The following PADI1 variants were observed in gnomAD, a reference collection of about 807,000 sequenced individuals.
PADI1 encodes protein-arginine deiminase type-1.
In PADI1, 65 loss-of-function variants were observed where a neutral mutation model predicts 74.8. The observed-to-expected ratio is 0.87, with a 90% CI of 0.71 to 1.07. The LOEUF is 1.07. Among genes scored for constraint, PADI1 ranks in the 50% least tolerant of loss-of-function variants. The probability of loss-of-function intolerance (pLI) is 0.00; values close to 1 mark genes in which losing one functional copy is unlikely to be tolerated. For synonymous variants in PADI1, 371 were observed against 336.2 expected (o/e 1.10, Z -1.13); for missense variants, 943 against 854.0 (o/e 1.10, Z -1.30).
chr1:17,224,840 C>T (rs1036034420), intron 4 of PADI1, among the ~76,000 whole-genome samples: 2 of 151,942 alleles, frequency 1.3e-5, no homozygotes, highest in African/African-American at 4.8e-5. Context: ...CCAGGTAACA[C>T]CTGAAGAGTA....
chr1:17,230,495 AGGCCTGGTGG>A (rs1302207460), intron 9 of PADI1, 67 bp from the exon 10 acceptor site: 1 of 1,015,000 alleles, frequency 9.9e-7, no homozygotes. Flanking sequence ...GCCCTGCCCC[AGGCCTGGTGG>A]GGACCACCCT....
intron 1 of PADI1, among the ~76,000 whole-genome samples, chr1:17,217,787 C>T (rs956362342): frequency 2.0e-5 from 3 of 152,180 alleles, no homozygotes; most frequent in Admixed American, 1.3e-4. Context: ...AGACATTGGT[C>T]AAGGCTACAA....
At chr1:17,217,348 C>T (rs968734192) in intron 1 of PADI1, among the ~76,000 whole-genome samples, 1 of 152,010 alleles carries the variant, frequency 6.6e-6, no homozygotes, top group East Asian at 1.9e-4. Flanking sequence ...AGTTCAGGGC[C>T]GGTGTGCAGG....
intron 4 of PADI1, among the ~76,000 whole-genome samples, chr1:17,225,385 CT>C (rs947330023): frequency 5.1e-4 from 77 of 152,292 alleles, no homozygotes; most frequent in African/African-American, 1.8e-3. Context: ...CCAGAGATAT[CT>C]ATGGGACAGG....
At chr1:17,219,397 C>T (rs2072071815) in intron 1 of PADI1, among the ~76,000 whole-genome samples, 1 of 152,030 alleles carries the variant, frequency 6.6e-6, no homozygotes, top group Non-Finnish European at 1.5e-5. Context: ...TAGGAGTGAG[C>T]TGGAATATTG....
Position 17,228,618 on chromosome 1 carries a change from T to C in PADI1, c.653-7T>C. On this transcript the variant is annotated splice_polypyrimidine_tract_variant and splice_region_variant and intron_variant, in intron 6 of 15. Coordinates refer to ENST00000375471, the MANE Select transcript of PADI1 (RefSeq NM_013358.3). ...CCTCGCTAGCCCCTGACTCTTGTTCTTCCTAGGTGGGAATTCTCTCTCGGA... is the reference window on the plus strand; with the variant it reads ...CCTCGCTAGCCCCTGACTCTTGTTCCTCCTAGGTGGGAATTCTCTCTCGGA... 2 of 1,614,138 alleles carry C rather than the reference T, an allele frequency of 1.2e-6. No homozygotes were observed. Among genetic ancestry groups the C allele is most frequent in the East Asian group, 2.2e-5 (1 of 44,882 alleles).
intron 4 of PADI1, among the ~76,000 whole-genome samples, chr1:17,225,516 G>C (rs915289132): frequency 6.6e-6 from 1 of 151,978 alleles, no homozygotes; most frequent in African/African-American, 2.4e-5. Flanking sequence ...CTAAAGCTTA[G>C]CCAGCTTTTG....
At chr1:17,231,775 GTA>G (rs898355158) in intron 10 of PADI1, among the ~76,000 whole-genome samples, 2 of 151,318 alleles carry the variant, frequency 1.3e-5, no homozygotes, top group Non-Finnish European at 2.9e-5. Context: ...TTATTTATAT[GTA>G]TATATATATT....
At chr1:17,231,342 A>C (rs3003409) in intron 10 of PADI1, among the ~76,000 whole-genome samples, 64,796 of 152,006 alleles carry the variant, frequency 0.43, 14,021 homozygotes, top group South Asian at 0.48. Context: ...CCAAGATGCA[A>C]AACTAGGGGG....
intron 14 of PADI1, 91 bp downstream of exon 14, chr1:17,239,874 G>A (rs41265089): frequency 0.1 from 105,388 of 1,027,900 alleles, 6,263 homozygotes; most frequent in South Asian, 0.17. Context: ...GAGATTCAGC[G>A]CTGGAGCTCT....
intron 3 of PADI1, 99 bp from the exon 4 acceptor site, chr1:17,224,268 C>T (rs894021378): frequency 1.8e-5 from 18 of 976,056 alleles, no homozygotes; most frequent in African/African-American, 6.4e-5. Flanking sequence ...CCAGTCCTCA[C>T]GGGCTTGGGG....
intron 11 of PADI1, among the ~76,000 whole-genome samples, chr1:17,234,277 T>C (rs1199001716): frequency 6.6e-6 from 1 of 152,224 alleles, no homozygotes; most frequent in Non-Finnish European, 1.5e-5. Context: ...ACAAAACAGA[T>C]GCATTTTAAA....
chr1:17,225,448 C>A (rs16823950), intron 4 of PADI1, among the ~76,000 whole-genome samples: 28,267 of 152,122 alleles, frequency 0.19, 2,978 homozygotes, highest in Middle Eastern at 0.32. Context: ...CTCCAGATCC[C>A]GACCCTCATC....
chr1:17,245,963 C>A lies in PADI1; in HGVS notation c.*1720C>A, dbSNP rs866207174. 4 of 152,224 alleles carry A rather than the reference C, an allele frequency of 2.6e-5. No individual in the cohort carries two copies. Among genetic ancestry groups the A allele is most frequent in the African/African-American group, 9.7e-5 (4 of 41,448 alleles). The allele number at this position is 152,224 out of a possible 1,614,324, so 9.4% of individuals were successfully genotyped here. A position where few individuals can be genotyped will look rare whatever the true frequency, so the allele number is the denominator to read the frequency against. On this transcript the variant is annotated 3_prime_UTR_variant, in exon 16 of 16. Coordinates refer to ENST00000375471, the MANE Select transcript of PADI1 (RefSeq NM_013358.3). This position sits in a 1 kb window ranked among gnomAD's most constrained non-coding sequence, Gnocchi z 4.1. ...TCTGAGAATGTTCTGGGTGACCAGT[C>A]ACCTACTTTCTGATCAATAAAAATG...
At position 17,228,747 on chromosome 1, in the gene PADI1, G is replaced by T. The variant is rs559944339; in HGVS notation, c.775G>T (p.Ala259Ser). 2.4e-5 allele frequency: 38 copies of T among 1,614,226 alleles called. No homozygotes were observed. In the South Asian group the frequency reaches 3.2e-4, roughly 14 times the overall value. The change falls in exon 7 of 16, where the codon GCC becomes TCC. Residue 259 changes from alanine to serine, a missense_variant. Ala to Ser is a moderately conservative substitution (Grantham distance 99). Coordinates refer to ENST00000375471, the MANE Select transcript of PADI1 (RefSeq NM_013358.3). ...FYVEGLTFPD[A>S]DFLGLVSLSV... ...TGTGGAGGGGCTGACCTTCCCCGAT[G>T]CCGATTTCCTAGGGCTGGTTTCCCT... is the stretch of plus-strand genomic sequence containing the variant.
At chr1:17,233,645 C>T (rs183346168) in intron 11 of PADI1, among the ~76,000 whole-genome samples, 3 of 152,328 alleles carry the variant, frequency 2.0e-5, no homozygotes, top group Non-Finnish European at 4.4e-5. Flanking sequence ...CCTGGTGGGT[C>T]CCCCTGTTTC....
At position 17,224,388 on chromosome 1, in the gene PADI1, C is replaced by T; in HGVS notation, c.368C>T (p.Thr123Ile). The T allele has an allele frequency of 6.2e-7, 1 of 1,613,932 alleles. No individual in the cohort carries two copies. The highest frequency in any genetic ancestry group is 1.3e-5 in the African/African-American group (1 of 75,042). ...GCAGATATTTCCCTTGAGGTTGACACAGGCCGCACAGGCAAGGTGAAGAGG... is the reference window on the plus strand; with the variant it reads ...GCAGATATTTCCCTTGAGGTTGACATAGGCCGCACAGGCAAGGTGAAGAGG... ...TGVDISLEVD[T>I]GRTGKVKRSQ... The change falls in exon 4 of 16, where the codon ACA becomes ATA. Residue 123 changes from threonine to isoleucine, a missense_variant. By Grantham distance (89) the Thr-to-Ile change is moderately conservative. Transcript: ENST00000375471.
chr1:17,244,432 A>T lies in PADI1; in HGVS notation c.*189A>T, dbSNP rs768351080. 1.3e-5 allele frequency: 9 copies of T among 680,228 alleles called. No individual in the cohort carries two copies. The highest frequency in any genetic ancestry group is 2.4e-5 in the Non-Finnish European group (9 of 370,918). 42.1% of individuals were successfully genotyped at this position (680,228 alleles called of 1,614,324 possible). A position where few individuals can be genotyped will look rare whatever the true frequency, so the allele number is the denominator to read the frequency against. ...CCTCGCCTCTGGAATGGCCTACCCA[A>T]CCCGAGAAGAATGCACCTCATTCTT... On this transcript the variant is annotated 3_prime_UTR_variant, in exon 16 of 16. Transcript: ENST00000375471.
chr1:17,232,225 T>C (rs981215282), intron 10 of PADI1, among the ~76,000 whole-genome samples: 2 of 151,902 alleles, frequency 1.3e-5, no homozygotes, highest in Non-Finnish European at 2.9e-5. Context: ...GGATTACAGG[T>C]GTGAGCCACC....
Sources: allele counts gnomAD v4.1 joint callset (sites outside exome capture counted in the v4.1 genomes callset), GRCh38; gene constraint gnomAD v4.1.1; non-coding constraint Gnocchi (gnomAD v3.1); transcripts MANE v1.5; gene names NCBI Gene and HGNC (gene_info 2026-07-23, HGNC 2026-07-21).